Variants in VEPH1 observed in about 807,000 individuals in gnomAD.
VEPH1 encodes the protein ventricular zone-expressed PH domain-containing protein homolog 1.
VEPH1 carries 80 observed loss-of-function variants against 85.2 expected under a neutral mutation model. That is an observed-to-expected ratio of 0.94 (90% CI 0.78 to 1.13). VEPH1 has a LOEUF of 1.13. VEPH1 is among the 50% of genes most tolerant of loss of function. The probability of loss-of-function intolerance (pLI) is 0.00; values close to 1 mark genes in which losing one functional copy is unlikely to be tolerated. For missense variants in VEPH1, 955 were observed against 980.5 expected, an observed-to-expected ratio of 0.97 and a Z score of 0.35; for synonymous variants, 297 against 348.0, an observed-to-expected ratio of 0.85 and a Z score of 1.63.
At chr3:157,340,920 G>C (rs1216174348) in intron 9 of VEPH1, among the ~76,000 whole-genome samples, 1 of 152,160 alleles carries the variant, frequency 6.6e-6, no homozygotes, top group East Asian at 1.9e-4. Context: ...ACAGGGTCTG[G>C]GGTGGACCTC....
chr3:157,463,707 A>T (rs1176757397), intron 3 of VEPH1, among the ~76,000 whole-genome samples: 1 of 152,176 alleles, frequency 6.6e-6, no homozygotes, highest in Non-Finnish European at 1.5e-5. Context: ...GGATTTCCAA[A>T]AGGCTGGTAC....
At chr3:157,413,814 C>T (rs1465735506) in intron 6 of VEPH1, 67 bp downstream of exon 6, 14 of 1,532,706 alleles carry the variant, frequency 9.1e-6, no homozygotes, top group Admixed American at 1.9e-5. Context: ...ATAATCCAAC[C>T]TATTAAATAG....
chr3:157,367,406 C>A (rs1726828705), intron 7 of VEPH1, among the ~76,000 whole-genome samples: 1 of 152,040 alleles, frequency 6.6e-6, no homozygotes, highest in African/African-American at 2.4e-5. Context: ...ATGATGATTG[C>A]CAAGGTTAAT....
At chr3:157,482,091 AG>A (rs965184770) in intron 2 of VEPH1, among the ~76,000 whole-genome samples, 5 of 152,158 alleles carry the variant, frequency 3.3e-5, no homozygotes, top group African/African-American at 1.2e-4. Context: ...GTATAGTTTA[AG>A]GTCTGGTAAT....
At chr3:157,446,179 A>T (rs1734535465) in intron 4 of VEPH1, among the ~76,000 whole-genome samples, 1 of 151,002 alleles carries the variant, frequency 6.6e-6, no homozygotes, top group Non-Finnish European at 1.5e-5. Flanking sequence ...ATAAATATGT[A>T]ATATATATAT....
chr3:157,318,470 T>C (rs1720987587), intron 9 of VEPH1, among the ~76,000 whole-genome samples: 2 of 151,862 alleles, frequency 1.3e-5, no homozygotes, highest in Admixed American at 1.3e-4. Context: ...TAGCTGGGCA[T>C]GGTGGCATCT....
At position 157,290,044 on chromosome 3, in the gene VEPH1, AC is replaced by A. The variant is rs1408277455; in HGVS notation, c.2011-3371del. On this transcript the variant is annotated intron_variant, in intron 11 of 13. Transcript: ENST00000362010. ...GTTGTTATTATACACAAACACACAC[AC>A]ACACACACACACACACACACACACA... is the stretch of plus-strand genomic sequence containing the variant. Among the ~76,000 whole-genome samples the A allele has an allele frequency of 9.9e-4, 36 of 36,358 alleles. No homozygotes were observed. The East Asian group carries it at 0.024, about 25-fold the overall frequency. The allele number at this position is 36,358 out of a possible 152,430, so 23.9% of individuals were successfully genotyped here.
chr3:157,471,022 A>G (rs534543311), intron 2 of VEPH1, among the ~76,000 whole-genome samples: 45 of 152,118 alleles, frequency 3.0e-4, no homozygotes, highest in African/African-American at 1.1e-3. Context: ...CCTTTCCCCA[A>G]CCAGGTTTTC....
intron 11 of VEPH1, among the ~76,000 whole-genome samples, chr3:157,291,576 G>A (rs1461689057): frequency 1.3e-5 from 2 of 152,192 alleles, no homozygotes; most frequent in African/African-American, 2.4e-5. Flanking sequence ...GTCCAAGGAG[G>A]TGAGAAGGTA....
intron 6 of VEPH1, among the ~76,000 whole-genome samples, chr3:157,393,659 A>T (rs139920801): frequency 0.012 from 1,844 of 152,260 alleles, 24 homozygotes; most frequent in Non-Finnish European, 0.015. Context: ...AATATATATA[A>T]ATATATGTAA....
chr3:157,378,304 TGGTATATATATATATATATATATA>T, intron 7 of VEPH1, among the ~76,000 whole-genome samples: 1 of 103,660 alleles, frequency 9.6e-6, no homozygotes, highest in African/African-American at 3.6e-5. Flanking sequence ...TATTTTTGAA[TGGTATATATATATATATATATATA>T]TATATATATA....
At chr3:157,440,587 C>A (rs1194869678) in intron 4 of VEPH1, among the ~76,000 whole-genome samples, 1 of 152,010 alleles carries the variant, frequency 6.6e-6, no homozygotes, top group Non-Finnish European at 1.5e-5. Context: ...CATACACATA[C>A]ACACATATAT....
intron 2 of VEPH1, among the ~76,000 whole-genome samples, chr3:157,488,681 C>T (rs560881284): frequency 1.6e-3 from 249 of 151,912 alleles, no homozygotes; most frequent in African/African-American, 5.7e-3. Context: ...ATTATAATGG[C>T]CAGCCCAGAC....
intron 9 of VEPH1, among the ~76,000 whole-genome samples, chr3:157,333,310 C>G (rs1722670901): frequency 6.6e-6 from 1 of 152,124 alleles, no homozygotes; most frequent in Non-Finnish European, 1.5e-5. Flanking sequence ...CTTATCCGAT[C>G]ACAAAATCCG....
chr3:157,466,154 C>A (rs79159993), intron 3 of VEPH1, among the ~76,000 whole-genome samples: 1 of 151,688 alleles, frequency 6.6e-6, no homozygotes, highest in Admixed American at 6.6e-5. Context: ...TATCCTAGAA[C>A]GTAATACACA....
At chr3:157,268,175 C>CT (rs1267075422) in intron 12 of VEPH1, among the ~76,000 whole-genome samples, 3 of 152,164 alleles carry the variant, frequency 2.0e-5, no homozygotes, top group African/African-American at 4.8e-5. Flanking sequence ...TGGTGATTTC[C>CT]TTTGTGCAAC....
intron 13 of VEPH1, among the ~76,000 whole-genome samples, chr3:157,264,040 G>C (rs1429868399): frequency 1.3e-5 from 2 of 152,242 alleles, no homozygotes. Flanking sequence ...GCTGGCATTT[G>C]AATTAGTGGA....
At chr3:157,338,447 C>G (rs952765795) in intron 9 of VEPH1, among the ~76,000 whole-genome samples, 2 of 152,138 alleles carry the variant, frequency 1.3e-5, no homozygotes, top group Non-Finnish European at 2.9e-5. Flanking sequence ...AATTGTACTT[C>G]TAAACTATTC....
intron 2 of VEPH1, among the ~76,000 whole-genome samples, chr3:157,493,993 T>A (rs529541872): frequency 6.6e-6 from 1 of 151,972 alleles, no homozygotes; most frequent in African/African-American, 2.4e-5. Flanking sequence ...ACCCAGAAAA[T>A]GAAAATGTAC....
Sources: allele counts gnomAD v4.1 joint callset (sites outside exome capture counted in the v4.1 genomes callset), GRCh38; gene constraint gnomAD v4.1.1; transcripts MANE v1.5; gene names NCBI Gene and HGNC (gene_info 2026-07-23, HGNC 2026-07-21).